The following C12orf42 variants were observed in gnomAD, a reference collection of about 807,000 sequenced individuals.
C12orf42 encodes chromosome 12 open reading frame 42, also known as uncharacterized protein C12orf42.
A neutral mutation model predicts 21.6 loss-of-function variants in C12orf42; 25 were observed. The observed-to-expected ratio is 1.16, with a 90% confidence interval of 0.84 to 1.62. C12orf42 has a LOEUF of 1.62. Ranked by LOEUF, C12orf42 falls within the 40% of genes most tolerant of loss-of-function variation. The pLI is 0.00. For missense variants in C12orf42, 483 were observed against 459.3 expected (o/e 1.05, Z -0.47); for synonymous variants, 174 against 175.0 (o/e 0.99, Z 0.05).
chr12:103,312,775 A>G (rs1260194920), intron 4 of C12orf42, among the ~76,000 whole-genome samples: 2 of 152,232 alleles, frequency 1.3e-5, no homozygotes, highest in Non-Finnish European at 2.9e-5. Flanking sequence ...ATATGAAGTA[A>G]TATTGTGGCA....
rs941016705 is a variant in C12orf42, at chr12:103,419,019, T to C, written c.79-17344A>G. On this transcript the variant is annotated intron_variant, in intron 2 of 5. Transcript: ENST00000548883. Reference sequence around the variant, plus strand: ...AATCTAAGTCAGTCTTGGGATATCATGGGAAGCTCCCCAAAGAAAGAGCCA... The same window carrying C: ...AATCTAAGTCAGTCTTGGGATATCACGGGAAGCTCCCCAAAGAAAGAGCCA... 5.3e-5 allele frequency among the ~76,000 whole-genome samples: 8 copies of C among 152,278 alleles called. 1 individual carries two copies. Among genetic ancestry groups the C allele is most frequent in the Admixed American group, 2.6e-4 (4 of 15,302 alleles).
At chr12:103,292,052 G>A (rs987209216) in intron 4 of C12orf42, among the ~76,000 whole-genome samples, 2 of 152,114 alleles carry the variant, frequency 1.3e-5, no homozygotes, top group African/African-American at 4.8e-5. Context: ...TAAACAAAAT[G>A]TGGTATGTCC....
In C12orf42 at chr12:103,358,117, A is replaced by G. The variant is rs957267962; in HGVS notation, c.259+10770T>C. On this transcript the variant is annotated intron_variant, in intron 4 of 5. Coordinates refer to ENST00000548883, the MANE Select transcript of C12orf42 (RefSeq NM_198521.5). ...ATCTTAGGCTCATTCATAGAATGAC[A>G]TAAGGGTTTCCATCAGCAAGAGGGC... 2.0e-5 allele frequency among the ~76,000 whole-genome samples: 3 copies of G among 152,094 alleles called. No homozygotes were observed. In the East Asian group the frequency reaches 5.8e-4, roughly 29 times the overall value.
At chr12:103,122,471 T>C in the C12orf42 span, among the ~76,000 whole-genome samples, 1 of 152,186 alleles carries the variant, frequency 6.6e-6, no homozygotes. Context: ...CTTTTGGGAA[T>C]TCAGGAGTAA....
At chr12:103,227,253 G>A in the C12orf42 span, among the ~76,000 whole-genome samples, 1 of 152,004 alleles carries the variant, frequency 6.6e-6, no homozygotes, top group Non-Finnish European at 1.5e-5. Context: ...ACAGGGGTTG[G>A]GGCTCAGAGA....
the C12orf42 span, among the ~76,000 whole-genome samples, chr12:103,501,507 A>C: frequency 6.6e-6 from 1 of 152,180 alleles, no homozygotes; most frequent in African/African-American, 2.4e-5. Flanking sequence ...GATGTGCACA[A>C]TCAGCTCTGA....
At chr12:103,347,923 G>A (rs1236159950) in intron 4 of C12orf42, among the ~76,000 whole-genome samples, 1 of 152,098 alleles carries the variant, frequency 6.6e-6, no homozygotes, top group African/African-American at 2.4e-5. Flanking sequence ...ATGTATATAG[G>A]TTTATTGACC....
chr12:103,336,544 G>A (rs1021347463), intron 4 of C12orf42, among the ~76,000 whole-genome samples: 3 of 152,144 alleles, frequency 2.0e-5, no homozygotes, highest in Non-Finnish European at 4.4e-5. Context: ...AAGTAAGTTG[G>A]CCTGACACAT....
At chr12:103,149,286 C>T in the C12orf42 span, among the ~76,000 whole-genome samples, 1 of 152,100 alleles carries the variant, frequency 6.6e-6, no homozygotes, top group Non-Finnish European at 1.5e-5. Context: ...ACTGTGCTTC[C>T]ACAGAACATT....
chr12:103,150,847 C>A, the C12orf42 span, among the ~76,000 whole-genome samples: 11 of 152,180 alleles, frequency 7.2e-5, no homozygotes, highest in Admixed American at 7.2e-4. Context: ...ATATATTTTT[C>A]ATCATCACCA....
chr12:103,243,867 A>G (rs367878581), intron 10 of C12orf42, among the ~76,000 whole-genome samples: 90 of 152,268 alleles, frequency 5.9e-4, no homozygotes, highest in African/African-American at 1.6e-3. Context: ...TGGAAGGAAG[A>G]TGTCCTTTAG....
At position 103,277,236 on chromosome 12, in the gene C12orf42, G is replaced by C. The variant is rs771240838; in HGVS notation, n.338-26C>G. On this transcript the variant is annotated intron_variant and non_coding_transcript_variant, in intron 4 of 6. Coordinates refer to the C12orf42 transcript ENST00000546526. ...CTTTCAAAAAGTACCATATGGAAAGGGGGATAGAAAGAATAACTGTATATT... is the reference window on the plus strand; with the variant it reads ...CTTTCAAAAAGTACCATATGGAAAGCGGGATAGAAAGAATAACTGTATATT... The C allele has an allele frequency of 2.1e-5, 9 of 437,174 alleles. No individual in the cohort carries two copies. The East Asian group carries it at 6.6e-4, about 32-fold the overall frequency. The allele number at this position is 437,174 out of a possible 1,614,324, so 27.1% of individuals were successfully genotyped here.
the C12orf42 span, among the ~76,000 whole-genome samples, chr12:103,533,607 T>C: frequency 6.6e-6 from 1 of 152,208 alleles, no homozygotes; most frequent in Non-Finnish European, 1.5e-5. Flanking sequence ...TTTTCTGAGA[T>C]AACTTTTGCG....
At chr12:103,124,105 C>T in the C12orf42 span, among the ~76,000 whole-genome samples, 1 of 134,274 alleles carries the variant, frequency 7.4e-6, no homozygotes, top group Non-Finnish European at 1.6e-5. Flanking sequence ...TTCAAAAGCT[C>T]TTTAATTTGT....
At chr12:103,089,750 A>G in the C12orf42 span, among the ~76,000 whole-genome samples, 1 of 152,140 alleles carries the variant, frequency 6.6e-6, no homozygotes, top group South Asian at 2.1e-4. Context: ...GACATTGGTC[A>G]GGAAACTTCA....
intron 2 of C12orf42, among the ~76,000 whole-genome samples, chr12:103,449,468 T>A (rs1489731225): frequency 2.0e-5 from 3 of 151,574 alleles, no homozygotes; most frequent in Non-Finnish European, 2.9e-5. Flanking sequence ...AAACACCCCC[T>A]GTTCCCCAAA....
chr12:103,256,145 C>CAT (rs1565998326), intron 10 of C12orf42, among the ~76,000 whole-genome samples: 1 of 86,418 alleles, frequency 1.2e-5, no homozygotes, highest in Non-Finnish European at 2.2e-5. Flanking sequence ...CACACACACA[C>CAT]GTATATATAC....
At chr12:103,154,463 G>T in the C12orf42 span, among the ~76,000 whole-genome samples, 4 of 152,216 alleles carry the variant, frequency 2.6e-5, no homozygotes, top group South Asian at 6.2e-4. Flanking sequence ...TGGATAAGAG[G>T]TTCCATCCTA....
chr12:103,196,227 A>G, the C12orf42 span, among the ~76,000 whole-genome samples: 1 of 152,126 alleles, frequency 6.6e-6, no homozygotes, highest in African/African-American at 2.4e-5. Flanking sequence ...TAATTTCCAT[A>G]TAATTGTACT....
Sources: gnomAD v4.1 joint callset for allele counts (sites outside exome capture counted in the v4.1 genomes callset) on GRCh38, gnomAD v4.1.1 for gene constraint, MANE v1.5 for transcripts, NCBI Gene and HGNC (gene_info 2026-07-23, HGNC 2026-07-21) for gene names.